The following DPP10 variants were observed in gnomAD, a reference collection of about 807,000 sequenced individuals.
DPP10 encodes inactive dipeptidyl peptidase 10.
DPP10 carries 33 observed loss-of-function variants against 120.9 expected under a neutral mutation model. The observed-to-expected ratio is 0.27, with a 90% CI of 0.21 to 0.37. DPP10 has a LOEUF of 0.37. Among genes scored for constraint, DPP10 ranks in the 10% least tolerant of loss-of-function variants. The probability of loss-of-function intolerance (pLI) is 1.00; values close to 1 mark genes in which losing one functional copy is unlikely to be tolerated. For missense variants in DPP10, 816 were observed against 942.8 expected (o/e 0.87, Z 1.76); for synonymous variants, 337 against 326.1 (o/e 1.03, Z -0.36).
At chr2:115,346,152 T>C (rs918309278) in intron 3 of DPP10, among the ~76,000 whole-genome samples, 18 of 152,204 alleles carry the variant, frequency 1.2e-4, no homozygotes, top group African/African-American at 3.1e-4. Context: ...TGGCAAGTGC[T>C]AGATACTTGG....
At chr2:114,728,851 T>A (rs548399569) in intron 1 of DPP10, among the ~76,000 whole-genome samples, 196 of 152,306 alleles carry the variant, frequency 1.3e-3, no homozygotes, top group African/African-American at 4.6e-3. Context: ...TAGTAATGAA[T>A]AACTAAAACA....
intron 19 of DPP10, among the ~76,000 whole-genome samples, chr2:115,812,179 T>G (rs1686717315): frequency 6.6e-6 from 1 of 152,198 alleles, no homozygotes; most frequent in Non-Finnish European, 1.5e-5. Context: ...ACCTTGGTAT[T>G]TTTACTCAGC....
chr2:114,520,240 G>A (rs1684942066), intron 1 of DPP10, among the ~76,000 whole-genome samples: 1 of 152,180 alleles, frequency 6.6e-6, no homozygotes, highest in Non-Finnish European at 1.5e-5. Flanking sequence ...ATGGAGTAAT[G>A]GTAAGTGTGT....
At chr2:115,208,205 C>CTT (rs72174314) in intron 1 of DPP10, among the ~76,000 whole-genome samples, 52 of 123,464 alleles carry the variant, frequency 4.2e-4, no homozygotes, top group South Asian at 7.6e-4. Flanking sequence ...TTTTTTTTTT[C>CTT]TTTTTTTTTT....
chr2:114,721,566 C>T (rs1280813949), intron 1 of DPP10, among the ~76,000 whole-genome samples: 2 of 152,192 alleles, frequency 1.3e-5, no homozygotes, highest in African/African-American at 4.8e-5. Flanking sequence ...TGCTTCTCTT[C>T]ATCACCCAAT....
chr2:115,293,072 AGG>A (rs1559376713), intron 1 of DPP10, among the ~76,000 whole-genome samples: 1 of 152,066 alleles, frequency 6.6e-6, no homozygotes. Context: ...TTCCATCTCT[AGG>A]GTACAGATTC....
Position 115,504,332 on chromosome 2 carries a change from A to C in DPP10, c.366+4728A>C, listed in dbSNP as rs183705633. ...TTGTTCCTTTTTAAGATAGAGGATA[A>C]AAACTGATGGCTACTGGGGACTCCA... On this transcript the variant is annotated intron_variant, in intron 4 of 25. Coordinates refer to ENST00000410059, the MANE Select transcript of DPP10 (RefSeq NM_020868.6). 3.8e-3 allele frequency among the ~76,000 whole-genome samples: 577 copies of C among 150,770 alleles called. 5 individuals carry two copies. The highest frequency in any genetic ancestry group is 0.01 in the Middle Eastern group (3 of 292).
At chr2:115,485,374 T>C (rs932410923) in intron 3 of DPP10, among the ~76,000 whole-genome samples, 2 of 152,094 alleles carry the variant, frequency 1.3e-5, no homozygotes, top group African/African-American at 4.8e-5. Flanking sequence ...TAGAACTAAC[T>C]AGTGTTTTGA....
chr2:115,784,124 A>G (rs944827058), intron 17 of DPP10, among the ~76,000 whole-genome samples: 3 of 152,194 alleles, frequency 2.0e-5, no homozygotes, highest in African/African-American at 7.2e-5. Context: ...TTCAAAAGCC[A>G]ATCATGTTTG....
At chr2:115,722,829 A>G (rs988725620) in intron 7 of DPP10, among the ~76,000 whole-genome samples, 1 of 152,166 alleles carries the variant, frequency 6.6e-6, no homozygotes, top group Non-Finnish European at 1.5e-5. Context: ...AACAGATATT[A>G]CTCTAGTGGT....
At chr2:114,668,466 T>C (rs1698094367) in intron 1 of DPP10, among the ~76,000 whole-genome samples, 1 of 152,186 alleles carries the variant, frequency 6.6e-6, no homozygotes, top group Admixed American at 6.6e-5. Flanking sequence ...AGTCTACTGA[T>C]TCAAATGCTA....
intron 1 of DPP10, among the ~76,000 whole-genome samples, chr2:115,203,698 G>T (rs1312056283): frequency 2.6e-5 from 4 of 151,984 alleles, no homozygotes; most frequent in Non-Finnish European, 4.4e-5. Context: ...TGGCACTTTG[G>T]CTTTGACCTC....
chr2:115,098,905 A>G (rs1000802039), intron 1 of DPP10, among the ~76,000 whole-genome samples: 10 of 152,160 alleles, frequency 6.6e-5, no homozygotes, highest in African/African-American at 2.2e-4. Context: ...GTTCTTAGTC[A>G]TCATAAACTT....
intron 1 of DPP10, among the ~76,000 whole-genome samples, chr2:115,297,981 T>G (rs1483552346): frequency 6.6e-6 from 1 of 152,068 alleles, no homozygotes; most frequent in Non-Finnish European, 1.5e-5. Flanking sequence ...ATGTCTTTTC[T>G]CTCTGTGTTT....
At chr2:115,109,404 C>T (rs1193709676) in intron 1 of DPP10, among the ~76,000 whole-genome samples, 1 of 151,956 alleles carries the variant, frequency 6.6e-6, no homozygotes, top group Admixed American at 6.6e-5. Context: ...GGCGTGGTGG[C>T]GGGCGCCTGT....
chr2:114,890,109 T>C lies in DPP10; in HGVS notation c.61-419130T>C, dbSNP rs144735714. On this transcript the variant is annotated intron_variant, in intron 1 of 25. Transcript: ENST00000410059. The stretch of plus-strand genomic sequence containing the variant: ...CTGGTGGAGAGACAAACATGTTTAA[T>C]GTTATTTAGCACAGTATGTGCTATG... 7.0e-4 allele frequency among the ~76,000 whole-genome samples: 106 copies of C among 152,336 alleles called. No individual in the cohort carries two copies. The East Asian group carries it at 0.02, about 29-fold the overall frequency.
chr2:114,978,830 T>C lies in DPP10; in HGVS notation c.61-330409T>C, dbSNP rs117699625. 7.0e-3 allele frequency among the ~76,000 whole-genome samples: 1,064 copies of C among 152,296 alleles called. 33 individuals carry two copies. The highest frequency in any genetic ancestry group is 0.054 in the East Asian group (281 of 5,190). ...AGGCAAATACTTTAATGAAGAGGAA[T>C]GTTTTATGTCATGCATGCTTGTTAC... On this transcript the variant is annotated intron_variant, in intron 1 of 25. Coordinates refer to ENST00000410059, the MANE Select transcript of DPP10 (RefSeq NM_020868.6).
chr2:115,014,862 C>CAAA (rs144688918), intron 1 of DPP10, among the ~76,000 whole-genome samples: 4,419 of 118,494 alleles, frequency 0.037, 144 homozygotes, highest in Non-Finnish European at 0.051. Context: ...GCCTACCAAC[C>CAAA]AAAAAAAAAA....
intron 3 of DPP10, among the ~76,000 whole-genome samples, chr2:115,482,584 T>C (rs569386335): frequency 1.3e-5 from 2 of 152,160 alleles, no homozygotes; most frequent in East Asian, 3.9e-4. Context: ...TCTATTTCTA[T>C]GGATTTTCCT....
Sources: gnomAD v4.1 joint callset for allele counts (sites outside exome capture counted in the v4.1 genomes callset) on GRCh38, gnomAD v4.1.1 for gene constraint, MANE v1.5 for transcripts, NCBI Gene and HGNC (gene_info 2026-07-23, HGNC 2026-07-21) for gene names.